USP31: variants seen among roughly 807,000 people sequenced by gnomAD.
USP31 encodes ubiquitin specific peptidase 31.
A neutral mutation model predicts 119.4 loss-of-function variants in USP31; 44 were observed. That is an observed-to-expected ratio of 0.37 (90% CI 0.29 to 0.47). USP31 has a LOEUF of 0.47. USP31 is among the 20% of genes least tolerant of loss of function. The pLI is 0.99. For synonymous variants in USP31, 749 were observed against 705.6 expected, an observed-to-expected ratio of 1.06 and a Z score of -0.97; for missense variants, 1,643 against 1,730.2, an observed-to-expected ratio of 0.95 and a Z score of 0.89.
Position 23,062,944 on chromosome 16 carries a change from G to A in USP31, c.*5102C>T, listed in dbSNP as rs1164959645. ...ATTCTCGCCATAATTCTCAGTAAAG[G>A]GATGACGTATCATAGTGGTTCTCAA... On this transcript the variant is annotated 3_prime_UTR_variant, in exon 16 of 16. Transcript: ENST00000219689. The A allele has an allele frequency of 1.3e-5, 2 of 152,526 alleles. No homozygotes were observed. Among genetic ancestry groups the A allele is most frequent in the Non-Finnish European group, 2.9e-5 (2 of 68,018 alleles). 9.4% of individuals were successfully genotyped at this position (152,526 alleles called of 1,614,324 possible).
chr16:23,064,462 G>A lies in USP31; in HGVS notation c.*3584C>T, dbSNP rs563889705. The A allele has an allele frequency of 1.1e-4, 16 of 152,070 alleles. No individual in the cohort carries two copies. The highest frequency in any genetic ancestry group is 6.8e-3 in the Middle Eastern group (2 of 294). The allele number at this position is 152,070 out of a possible 1,614,324, so 9.4% of individuals were successfully genotyped here. ...AATGTTCCCCTCAAATCCCACATCC[G>A]TCTCATACAAACATAAGATGACCCA... On this transcript the variant is annotated 3_prime_UTR_variant, in exon 16 of 16. Transcript: ENST00000219689.
At chr16:23,127,428 A>G (rs1902895172) in intron 1 of USP31, among the ~76,000 whole-genome samples, 1 of 152,102 alleles carries the variant, frequency 6.6e-6, no homozygotes. Flanking sequence ...CAAAGAAAAA[A>G]AAGAAAACCT....
chr16:23,081,251 T>TAGA (rs1900809211), intron 12 of USP31, among the ~76,000 whole-genome samples: 2 of 152,048 alleles, frequency 1.3e-5, no homozygotes, highest in South Asian at 2.1e-4. Flanking sequence ...GCCCAGGAAA[T>TAGA]TACTCTGTGT....
chr16:23,090,975 G>C (rs182642950), intron 6 of USP31, among the ~76,000 whole-genome samples, 171 bp from the exon 7 acceptor site: 65 of 152,224 alleles, frequency 4.3e-4, no homozygotes, highest in African/African-American at 1.5e-3. Flanking sequence ...AGCCGTTAGA[G>C]AATTTCTTTA....
chr16:23,084,343 C>G (rs374314343), intron 11 of USP31, among the ~76,000 whole-genome samples: 1 of 152,200 alleles, frequency 6.6e-6, no homozygotes, highest in East Asian at 1.9e-4. Context: ...TGTCTACTTT[C>G]TGGTCTATAT....
intron 1 of USP31, among the ~76,000 whole-genome samples, chr16:23,111,107 G>C (rs959249064): frequency 6.6e-6 from 1 of 152,082 alleles, no homozygotes; most frequent in Non-Finnish European, 1.5e-5. Flanking sequence ...CAGCCTGGAC[G>C]ACAGAGCGAG....
At chr16:23,128,567 A>T (rs1902936753) in intron 1 of USP31, among the ~76,000 whole-genome samples, 1 of 152,236 alleles carries the variant, frequency 6.6e-6, no homozygotes, top group Non-Finnish European at 1.5e-5. Flanking sequence ...CTTTCTTCTG[A>T]AAAATTTACT....
At chr16:23,103,767 C>T (rs1038013777) in intron 5 of USP31, among the ~76,000 whole-genome samples, 13 of 152,048 alleles carry the variant, frequency 8.5e-5, no homozygotes, top group African/African-American at 2.7e-4. Context: ...ATACAAAAAT[C>T]AGCTGGGTGT....
At chr16:23,075,198 G>A (rs1900514456) in intron 13 of USP31, among the ~76,000 whole-genome samples, 1 of 152,204 alleles carries the variant, frequency 6.6e-6, no homozygotes, top group Non-Finnish European at 1.5e-5. Context: ...TAAAATGTAA[G>A]CAGCAAATGG....
At chr16:23,077,600 A>G (rs1567226974) in intron 13 of USP31, among the ~76,000 whole-genome samples, 1 of 152,318 alleles carries the variant, frequency 6.6e-6, no homozygotes, top group East Asian at 1.9e-4. Flanking sequence ...CCCTACCTTT[A>G]TAAATCAATG....
In USP31 at chr16:23,149,320, C is replaced by A; in HGVS notation, c.-50G>T. ...CCGCGCCCGCCCGCCCGGCCCGCGG[C>A]CCCGCCACGGCCGCCGCCGCATCCC... On this transcript the variant is annotated 5_prime_UTR_variant, in exon 1 of 16. Transcript: ENST00000219689. The A allele has an allele frequency of 2.0e-6, 2 of 1,017,330 alleles. No homozygotes were observed. The highest frequency in any genetic ancestry group is 2.3e-6 in the Non-Finnish European group (2 of 852,734). 63.0% of individuals were successfully genotyped at this position (1,017,330 alleles called of 1,614,324 possible). A position where few individuals can be genotyped will look rare whatever the true frequency, so the allele number is the denominator to read the frequency against.
chr16:23,069,543 G>C lies in USP31; in HGVS notation c.2562C>G (p.Ser854Arg). 1 of 1,614,112 alleles carries C rather than the reference G, an allele frequency of 6.2e-7. No homozygotes were observed. The highest frequency in any genetic ancestry group is 8.5e-7 in the Non-Finnish European group (1 of 1,179,950). The part of the protein sequence containing the change: ...QSLSSRSSVT[S>R]PLAVNENCMR... ...TGCAATTTTCATTGACGGCCAAGGG[G>C]CTGGTGACAGAAGATCTGGATGACA... Residue 854 changes from serine (S) to arginine (R), a missense_variant, in exon 16 of 16, where the codon AGC (serine) becomes AGG (arginine). By Grantham distance (110) the Ser-to-Arg change is moderately radical. Transcript: ENST00000219689.
intron 1 of USP31, among the ~76,000 whole-genome samples, chr16:23,144,373 C>T (rs1289344771): frequency 3.9e-5 from 6 of 152,066 alleles, no homozygotes; most frequent in Non-Finnish European, 5.9e-5. Context: ...TGAATGTGAG[C>T]GATGTGAAAG....
Position 23,069,427 on chromosome 16 carries a change from G to A in USP31, c.2678C>T (p.Ala893Val), listed in dbSNP as rs1177677985. ...CTCCCCAATCTTCTCCAAGGTGGAAGCAGAGCTGTGAATTGGCGAATCCCC... is the reference window on the plus strand; with the variant it reads ...CTCCCCAATCTTCTCCAAGGTGGAAACAGAGCTGTGAATTGGCGAATCCCC... ...FSGDSPIHSSASTLEKIGEAA... is the reference protein window; with the variant it reads ...FSGDSPIHSSVSTLEKIGEAA... Residue 893 changes from alanine (A) to valine (V), a missense_variant, in exon 16 of 16, where the codon GCT becomes GTT. By Grantham distance (64) the Ala-to-Val change is moderately conservative. Around this residue, in one of 5 missense-constraint regions of USP31, gnomAD observed 699 missense variants for 650.9 expected, o/e 1.07. Coordinates refer to ENST00000219689, the MANE Select transcript of USP31 (RefSeq NM_020718.4). 3.7e-6 allele frequency: 6 copies of A among 1,614,176 alleles called. No individual in the cohort carries two copies. The highest frequency in any genetic ancestry group is 1.3e-5 in the African/African-American group (1 of 75,058).
At chr16:23,114,790 A>G (rs565553209) in intron 1 of USP31, among the ~76,000 whole-genome samples, 1 of 152,302 alleles carries the variant, frequency 6.6e-6, no homozygotes, top group African/African-American at 2.4e-5. Context: ...ACCCCACCCT[A>G]AATCACTATA....
chr16:23,128,247 G>A (rs1401912021), intron 1 of USP31, among the ~76,000 whole-genome samples: 1 of 152,126 alleles, frequency 6.6e-6, no homozygotes, highest in East Asian at 1.9e-4. Context: ...ATCTGGAAAT[G>A]ACTAATTCCA....
chr16:23,087,590 G>A, intron 8 of USP31, 134 bp downstream of exon 8: 1 of 776,214 alleles, frequency 1.3e-6, no homozygotes. Context: ...GCAGTGGCTA[G>A]CTCTTTCATA....
intron 13 of USP31, among the ~76,000 whole-genome samples, chr16:23,076,630 GT>G (rs1437339003): frequency 1.3e-5 from 2 of 152,172 alleles, no homozygotes; most frequent in Non-Finnish European, 2.9e-5. Context: ...GTAGTTGGAG[GT>G]TTCCAGGCAT....
At chr16:23,143,663 G>GA (rs1378761239) in intron 1 of USP31, among the ~76,000 whole-genome samples, 1 of 152,118 alleles carries the variant, frequency 6.6e-6, no homozygotes, top group Non-Finnish European at 1.5e-5. Flanking sequence ...GAAGTAAAAG[G>GA]AAACTTGCGC....
Sources: allele counts gnomAD v4.1 joint callset (sites outside exome capture counted in the v4.1 genomes callset), GRCh38; gene constraint gnomAD v4.1.1; regional missense constraint gnomAD v4.1.1; transcripts MANE v1.5; gene names NCBI Gene and HGNC (gene_info 2026-07-23, HGNC 2026-07-21).